The following PROCA1 variants were observed in gnomAD, a reference collection of about 807,000 sequenced individuals.
PROCA1 encodes the protein protein interacting with cyclin A1.
Under a neutral mutation model 23.2 loss-of-function variants are expected in PROCA1, and 22 were observed. The observed-to-expected ratio is 0.95, with a 90% confidence interval of 0.68 to 1.35. The LOEUF (loss-of-function observed/expected upper bound fraction) is 1.35, where lower values mean the gene tolerates loss of function less well. Among genes scored for constraint, PROCA1 ranks in the 40% most tolerant of loss-of-function variants. The pLI, the probability that PROCA1 is intolerant of heterozygous loss-of-function variation, is 0.00. For missense variants in PROCA1, 469 were observed against 459.8 expected, an observed-to-expected ratio of 1.02 and a Z score of -0.18; for synonymous variants, 182 against 179.2, an observed-to-expected ratio of 1.02 and a Z score of -0.12.
At chr17:28,711,463 T>A in intron 1 of PROCA1, 107 bp downstream of exon 1, 1 of 773,436 alleles carries the variant, frequency 1.3e-6, no homozygotes, top group Non-Finnish European at 1.9e-6. Context: ...GCCTCTCTCG[T>A]TGGTTTGCCC....
chr17:28,704,739 G>T lies in PROCA1; in HGVS notation c.280C>A (p.His94Asn). ...SDCVRHSLHL[H>N]SVNHCNCNSR... is the part of the protein sequence containing the mutation. ...TTACAGTTGCAGTGGTTGACAGAGT[G>T]TAGGTGCAGGCTGTGGCGGACACAG... The change falls in exon 3 of 5, where the codon CAC becomes AAC. Residue 94 changes from histidine to asparagine, a missense_variant. Coordinates refer to ENST00000682792, the MANE Select transcript of PROCA1 (RefSeq NM_001366301.1). 6.2e-7 allele frequency: 1 copy of T among 1,614,164 alleles called. No individual in the cohort carries two copies. The highest frequency in any genetic ancestry group is 8.5e-7 in the Non-Finnish European group (1 of 1,180,000).
rs1567711258 is a variant in PROCA1, at chr17:28,703,769, G to C, written c.884C>G (p.Ser295Cys). Reference protein sequence around the residue: ...SARQLARMSESSPESREELES... With the variant: ...SARQLARMSECSPESREELES... ...CAGCTCTTCCCGGCTTTCTGGGCTG[G>C]ACTCGGACATCCTGGCCAGCTGTCT... Residue 295 changes from serine (S) to cysteine (C), a missense_variant, in exon 5 of 5, where the codon TCC becomes TGC. Ser to Cys is a moderately radical substitution (Grantham distance 112, BLOSUM62 -1). Coordinates refer to ENST00000682792, the MANE Select transcript of PROCA1 (RefSeq NM_001366301.1). 1 of 1,614,106 alleles carries C rather than the reference G, an allele frequency of 6.2e-7. No individual in the cohort carries two copies. The highest frequency in any genetic ancestry group is 8.5e-7 in the Non-Finnish European group (1 of 1,180,040).
Position 28,705,197 on chromosome 17 carries a change from G to A in PROCA1, c.176-354C>T, listed in dbSNP as rs570281563. 4.6e-5 allele frequency: 11 copies of A among 237,874 alleles called. No individual in the cohort carries two copies. In the South Asian group the frequency reaches 5.5e-4, roughly 12 times the overall value. The allele number at this position is 237,874 out of a possible 1,614,324, so 14.7% of individuals were successfully genotyped here. On this transcript the variant is annotated intron_variant, in intron 2 of 4. Coordinates refer to ENST00000682792, the MANE Select transcript of PROCA1 (RefSeq NM_001366301.1). ...TCCACAAGGCGCCTGGTAGGAGAAGGCCCTCCTGCTATGGCACCCCACAGC... is the reference window on the plus strand; with the variant it reads ...TCCACAAGGCGCCTGGTAGGAGAAGACCCTCCTGCTATGGCACCCCACAGC...
intron 2 of PROCA1, chr17:28,705,268 C>T: frequency 5.7e-6 from 1 of 176,100 alleles, no homozygotes; most frequent in South Asian, 1.2e-4. Flanking sequence ...TACACCTGCC[C>T]TGGCCCACGC....
In PROCA1 at chr17:28,703,915, C is replaced by G; in HGVS notation, c.738G>C (p.Lys246Asn). 2 of 1,613,852 alleles carry G rather than the reference C, an allele frequency of 1.2e-6. No homozygotes were observed. Among genetic ancestry groups the G allele is most frequent in the South Asian group, 2.2e-5 (2 of 91,032 alleles). ...VKKKKEKEKD[K>N]EEMDEKAKLK... Reference sequence around the variant, plus strand: ...GCTTTGCCTTCTCATCCATCTCCTCCTTGTCTTTCTCTTTTTCCTTTTTCT... The same window carrying G: ...GCTTTGCCTTCTCATCCATCTCCTCGTTGTCTTTCTCTTTTTCCTTTTTCT... The change falls in exon 5 of 5, where the codon AAG becomes AAC. Residue 246 changes from lysine to asparagine, a missense_variant. Lys to Asn is a moderately conservative substitution (Grantham distance 94). Coordinates refer to ENST00000682792, the MANE Select transcript of PROCA1 (RefSeq NM_001366301.1).
intron 3 of PROCA1, 90 bp downstream of exon 3, chr17:28,704,618 T>C: frequency 6.3e-7 from 1 of 1,581,216 alleles, no homozygotes; most frequent in Non-Finnish European, 8.6e-7. Flanking sequence ...AATTCAAAGC[T>C]GAAGAGGCAA....
At chr17:28,708,188 T>C (rs745710151) in intron 1 of PROCA1, among the ~76,000 whole-genome samples, 1 of 152,142 alleles carries the variant, frequency 6.6e-6, no homozygotes, top group Non-Finnish European at 1.5e-5. Context: ...TTTTGTATTT[T>C]TAGTAGAGAC....
chr17:28,703,774 G>A lies in PROCA1; in HGVS notation c.879C>T (p.Ser293=). The A allele has an allele frequency of 6.2e-7, 1 of 1,614,112 alleles. No homozygotes were observed. Among genetic ancestry groups the A allele is most frequent in the African/African-American group, 1.3e-5 (1 of 74,990 alleles). ...SLSARQLARM[S]ESSPESREEL... is the part of the protein sequence containing the mutation. ...CTTCCCGGCTTTCTGGGCTGGACTC[G>A]GACATCCTGGCCAGCTGTCTTGCGC... is the stretch of plus-strand genomic sequence containing the variant. The change falls in exon 5 of 5, where the codon TCC becomes TCT. Residue 293 remains serine, a synonymous_variant. Coordinates refer to ENST00000682792, the MANE Select transcript of PROCA1 (RefSeq NM_001366301.1).
chr17:28,704,924 A>C lies in PROCA1; in HGVS notation c.176-81T>G, dbSNP rs940084295. The C allele has an allele frequency of 2.1e-5, 28 of 1,365,512 alleles. No homozygotes were observed. In the African/African-American group the frequency reaches 3.8e-4, roughly 18 times the overall value. The allele number at this position is 1,365,512 out of a possible 1,614,324, so 84.6% of individuals were successfully genotyped here. Reference sequence around the variant, plus strand: ...CACAGCTCAAGCTAAAACCTCACCAAATTCACCTGCCACCACCAGCTGTCC... The same window carrying C: ...CACAGCTCAAGCTAAAACCTCACCACATTCACCTGCCACCACCAGCTGTCC... On this transcript the variant is annotated intron_variant, in intron 2 of 4. Transcript: ENST00000682792.
intron 1 of PROCA1, among the ~76,000 whole-genome samples, chr17:28,709,172 T>C (rs1377598311): frequency 6.6e-6 from 1 of 152,250 alleles, no homozygotes; most frequent in Non-Finnish European, 1.5e-5. Flanking sequence ...TTCAGCCCTG[T>C]CTACTTACTG....
chr17:28,704,038 G>A lies in PROCA1; in HGVS notation c.615C>T (p.Ala205=), dbSNP rs777360666. ...GCGCTGTGGAGTCAGGGGTACCAGT[G>A]GCCATGCTGGTGCCTAGGTCAGGGG... ...TASPDLGTSM[A]TGTPDSTAPI... The change falls in exon 5 of 5, where the codon GCC becomes GCT. Residue 205 remains alanine, a synonymous_variant. Transcript: ENST00000682792. 2 of 1,610,566 alleles carry A rather than the reference G, an allele frequency of 1.2e-6. No individual in the cohort carries two copies. Among genetic ancestry groups the A allele is most frequent in the East Asian group, 2.2e-5 (1 of 44,818 alleles).
At chr17:28,711,157 A>C in intron 1 of PROCA1, 1 of 1,173,774 alleles carries the variant, frequency 8.5e-7, no homozygotes, top group Non-Finnish European at 1.1e-6. Context: ...TCCTTGGTCC[A>C]CCCTCAGGGT....
intron 1 of PROCA1, 92 bp downstream of exon 1, chr17:28,711,478 C>T: frequency 9.3e-7 from 1 of 1,075,126 alleles, no homozygotes; most frequent in Non-Finnish European, 1.3e-6. Context: ...TTGCCCGTCT[C>T]CCTCGTCGGT....
At position 28,711,769 on chromosome 17, in the gene PROCA1, G is replaced by T. The variant is rs2032798681; in HGVS notation, c.-109C>A. Reference sequence around the variant, plus strand: ...AGCCGTGAACTCCAGTCTCGGCTTCGCCCCCGCCTAGCCCCTAACCCCGCC... The same window carrying T: ...AGCCGTGAACTCCAGTCTCGGCTTCTCCCCCGCCTAGCCCCTAACCCCGCC... On this transcript the variant is annotated 5_prime_UTR_variant, in exon 1 of 5. Transcript: ENST00000682792. 1 of 928,036 alleles carries T rather than the reference G, an allele frequency of 1.1e-6. No individual in the cohort carries two copies. The highest frequency in any genetic ancestry group is 1.5e-6 in the Non-Finnish European group (1 of 650,580). 57.5% of individuals were successfully genotyped at this position (928,036 alleles called of 1,614,324 possible).
rs1281210571 is a variant in PROCA1, at chr17:28,703,514, C to A, written c.*44G>T. 8 of 1,569,674 alleles carry A rather than the reference C, an allele frequency of 5.1e-6. No individual in the cohort carries two copies. Among genetic ancestry groups the A allele is most frequent in the Non-Finnish European group, 5.2e-6 (6 of 1,156,016 alleles). On this transcript the variant is annotated 3_prime_UTR_variant, in exon 5 of 5. Coordinates refer to ENST00000682792, the MANE Select transcript of PROCA1 (RefSeq NM_001366301.1). Reference sequence around the variant, plus strand: ...GAGAGAACAGCAGCAGAGGGCCAGCCACAGGCTCGATGGCATTTATTCTGC... The same window carrying A: ...GAGAGAACAGCAGCAGAGGGCCAGCAACAGGCTCGATGGCATTTATTCTGC...
At position 28,704,323 on chromosome 17, in the gene PROCA1, G is replaced by A. The variant is rs766008745; in HGVS notation, c.424C>T (p.Arg142Ter). Reference sequence around the variant, plus strand: ...CTCACTCACCAGCCATACCGGAATCGCTCCACATGCTCCTCCTCCGGTGTG... The same window carrying A: ...CTCACTCACCAGCCATACCGGAATCACTCCACATGCTCCTCCTCCGGTGTG... ...ELTPEEEHVE[R>*]FRYGWCKSYR... Residue 142 changes from arginine to a stop codon, truncating the protein, a stop_gained, in exon 4 of 5, where the codon CGA (arginine) becomes TGA (stop). Coordinates refer to ENST00000682792, the MANE Select transcript of PROCA1 (RefSeq NM_001366301.1). LOFTEE classifies it low-confidence loss of function (END_TRUNC). 23 of 1,613,442 alleles carry A rather than the reference G, an allele frequency of 1.4e-5. No individual in the cohort carries two copies. Among genetic ancestry groups the A allele is most frequent in the Admixed American group, 6.7e-5 (4 of 59,926 alleles).
chr17:28,704,134 A>T lies in PROCA1; in HGVS notation c.519T>A (p.Asn173Lys), dbSNP rs756113212. ...CCTCCTCCTCCTCTTCCTCTTCTTC[A>T]TTTAGATCATCTGCCCCACACTCAT... is the stretch of plus-strand genomic sequence containing the variant. ...LYHECGADDL[N>K]EEEEEEEEES... The change falls in exon 5 of 5, where the codon AAT (asparagine) becomes AAA (lysine). Residue 173 changes from asparagine to lysine, a missense_variant. Transcript: ENST00000682792. 3.3e-5 allele frequency: 51 copies of T among 1,560,886 alleles called. No individual in the cohort carries two copies. Among genetic ancestry groups the T allele is most frequent in the Non-Finnish European group, 4.1e-5 (48 of 1,159,870 alleles).
chr17:28,706,940 T>TGG (rs1567716248), intron 1 of PROCA1, 177 bp from the exon 2 acceptor site: 6 of 194 alleles, frequency 0.031, 3 homozygotes, highest in Non-Finnish European at 0.039. Context: ...GGTGGGGCTA[T>TGG]GAGGGGGAGG....
Position 28,703,774 on chromosome 17 carries a change from G to T in PROCA1, c.879C>A (p.Ser293=). ...SLSARQLARM[S]ESSPESREEL... is the part of the protein sequence containing the mutation. ...CTTCCCGGCTTTCTGGGCTGGACTC[G>T]GACATCCTGGCCAGCTGTCTTGCGC... Residue 293 remains serine (S), a synonymous_variant, in exon 5 of 5, where the codon TCC becomes TCA. Transcript: ENST00000682792. The T allele has an allele frequency of 6.2e-7, 1 of 1,614,112 alleles. No homozygotes were observed. The highest frequency in any genetic ancestry group is 8.5e-7 in the Non-Finnish European group (1 of 1,180,044).
Sources: gnomAD v4.1 joint callset for allele counts (sites outside exome capture counted in the v4.1 genomes callset) on GRCh38, gnomAD v4.1.1 for gene constraint, MANE v1.5 for transcripts, NCBI Gene and HGNC (gene_info 2026-07-23, HGNC 2026-07-21) for gene names.